The following MYO5C variants were observed in gnomAD, a reference collection of about 807,000 sequenced individuals.
The protein encoded by MYO5C is myosin VC, also known as unconventional myosin-Vc.
A neutral mutation model predicts 235.7 loss-of-function variants in MYO5C; 194 were observed. That is an observed-to-expected ratio of 0.82 (90% CI 0.73 to 0.93). MYO5C has a LOEUF of 0.93. MYO5C is among the 40% of genes least tolerant of loss of function. MYO5C has a pLI of 0.00. For synonymous variants in MYO5C, 707 were observed against 754.8 expected, an observed-to-expected ratio of 0.94 and a Z score of 1.04; for missense variants, 2,038 against 2,127.2, an observed-to-expected ratio of 0.96 and a Z score of 0.82.
intron 38 of MYO5C, among the ~76,000 whole-genome samples, chr15:52,198,298 G>A (rs1449116857): frequency 6.6e-6 from 1 of 152,194 alleles, no homozygotes; most frequent in Non-Finnish European, 1.5e-5. Flanking sequence ...TTGCACCACT[G>A]TAGTTCAGCC....
At chr15:52,207,890 AG>A (rs1321909188) in intron 36 of MYO5C, among the ~76,000 whole-genome samples, 1 of 152,242 alleles carries the variant, frequency 6.6e-6, no homozygotes, top group Admixed American at 6.5e-5. Context: ...TGACTTCACT[AG>A]TGACCAAATA....
intron 33 of MYO5C, chr15:52,213,585 C>A: frequency 4.3e-6 from 1 of 231,352 alleles, no homozygotes; most frequent in Admixed American, 4.9e-5. Flanking sequence ...AAGATGTTGC[C>A]TTGTCTTCAA....
chr15:52,229,066 T>C, intron 25 of MYO5C, 67 bp downstream of exon 25: 1 of 1,584,992 alleles, frequency 6.3e-7, no homozygotes, highest in Non-Finnish European at 8.6e-7. Context: ...GTCTAATCTG[T>C]GGGAACTTGG....
rs1555420137 is a variant in MYO5C at position 52,274,675 on chromosome 15, C to CCG, written c.606+886_606+887insCG. ...GCTTTGCAGTGTTTCTTAGTACCCC[C>CCG]CCCCCGACATATGTTTCTATTTAAT... On this transcript the variant is annotated intron_variant, in intron 5 of 40. Coordinates refer to ENST00000261839, the MANE Select transcript of MYO5C (RefSeq NM_018728.4). Among the ~76,000 whole-genome samples, 11 of 148,268 alleles carry CCG rather than the reference C, an allele frequency of 7.4e-5. 2 individuals are homozygous for CCG. The East Asian group carries it at 2.6e-3, about 35-fold the overall frequency.
chr15:52,195,355 G>C (rs747209956), intron 40 of MYO5C, 22 bp downstream of exon 40: 1 of 1,537,258 alleles, frequency 6.5e-7, no homozygotes, highest in Non-Finnish European at 9.0e-7. Flanking sequence ...AAAATTAAAA[G>C]GCACATCCTT....
chr15:52,279,741 G>A (rs2140857723), intron 2 of MYO5C, 67 bp from the exon 3 acceptor site: 3 of 1,453,320 alleles, frequency 2.1e-6, no homozygotes, highest in Non-Finnish European at 2.8e-6. Context: ...TTGAAGCACT[G>A]TCCTTTGTCC....
At chr15:52,284,620 CA>C (rs2037223852) in intron 1 of MYO5C, among the ~76,000 whole-genome samples, 1 of 151,966 alleles carries the variant, frequency 6.6e-6, no homozygotes, top group Non-Finnish European at 1.5e-5. Flanking sequence ...AAAAATTAAA[CA>C]AATATGGAAC....
intron 36 of MYO5C, among the ~76,000 whole-genome samples, chr15:52,208,265 G>C (rs754145395): frequency 4.6e-5 from 7 of 152,222 alleles, no homozygotes; most frequent in African/African-American, 7.2e-5. Context: ...ACCAAAGCCT[G>C]TATTTTAGAG....
chr15:52,209,296 AAAG>A (rs2035391309), intron 35 of MYO5C, among the ~76,000 whole-genome samples: 1 of 152,230 alleles, frequency 6.6e-6, no homozygotes. Context: ...AATAAAAAGT[AAAG>A]AAACACCACT....
At position 52,213,299 on chromosome 15, in the gene MYO5C, G is replaced by C; in HGVS notation, c.4043-13C>G. ...TGCACATCATTGGCTGTAGACAGAG[G>C]CAAACAATCAGCTAAATACACAAAA... On this transcript the variant is annotated splice_polypyrimidine_tract_variant and intron_variant, in intron 33 of 40. Transcript: ENST00000261839. 1 of 1,593,080 alleles carries C rather than the reference G, an allele frequency of 6.3e-7. No homozygotes were observed. Among genetic ancestry groups the C allele is most frequent in the South Asian group, 1.1e-5 (1 of 90,586 alleles).
chr15:52,205,251 A>G (rs1207403884), intron 37 of MYO5C, 104 bp from the exon 38 acceptor site: 9 of 1,269,028 alleles, frequency 7.1e-6, no homozygotes, highest in African/African-American at 3.0e-5. Flanking sequence ...TTTCTACAAG[A>G]GTCAGTGGAT....
At chr15:52,279,287 A>C (rs994010322) in intron 3 of MYO5C, among the ~76,000 whole-genome samples, 2 of 152,206 alleles carry the variant, frequency 1.3e-5, no homozygotes, top group Non-Finnish European at 2.9e-5. Context: ...AAAATAAGTA[A>C]TAAATGTATG....
chr15:52,289,711 C>T (rs1304424737), intron 1 of MYO5C, among the ~76,000 whole-genome samples: 7 of 152,064 alleles, frequency 4.6e-5, no homozygotes, highest in African/African-American at 9.7e-5. Context: ...CTCTCTCATC[C>T]GTACTTGATT....
chr15:52,219,955 T>C (rs1434563373), intron 30 of MYO5C, 133 bp from the exon 31 acceptor site: 2 of 638,330 alleles, frequency 3.1e-6, no homozygotes, highest in South Asian at 1.9e-5. Context: ...CTGGCCCATA[T>C]TGGAAGAAGA....
chr15:52,219,842 C>A lies in MYO5C; in HGVS notation c.3722-20G>T. The A allele has an allele frequency of 6.3e-7, 1 of 1,595,088 alleles. No individual in the cohort carries two copies. Among genetic ancestry groups the A allele is most frequent in the South Asian group, 1.1e-5 (1 of 89,786 alleles). On this transcript the variant is annotated intron_variant, in intron 30 of 40. Transcript: ENST00000261839. The stretch of plus-strand genomic sequence containing the variant: ...GTTTTCCTATAATGAGAAGAACTGT[C>A]AGTACTTTGGGGGGGCACATATCAC...
intron 2 of MYO5C, among the ~76,000 whole-genome samples, chr15:52,282,383 T>C (rs543578053): frequency 6.6e-6 from 1 of 152,220 alleles, no homozygotes; most frequent in African/African-American, 2.4e-5. Flanking sequence ...TCTACCAGCG[T>C]ATGCCTTGGG....
chr15:52,240,067 C>T (rs1374486018), intron 20 of MYO5C, among the ~76,000 whole-genome samples, 188 bp from the exon 21 acceptor site: 1 of 152,198 alleles, frequency 6.6e-6, no homozygotes, highest in Non-Finnish European at 1.5e-5. Context: ...TGTATATGAA[C>T]AGACACTCTC....
chr15:52,246,124 G>T, intron 16 of MYO5C, 82 bp from the exon 17 acceptor site: 1 of 1,085,938 alleles, frequency 9.2e-7, no homozygotes, highest in Non-Finnish European at 1.4e-6. Context: ...GACCTGGCTA[G>T]ACTGTGACCC....
intron 39 of MYO5C, among the ~76,000 whole-genome samples, chr15:52,195,814 T>A (rs1382256136): frequency 1.3e-5 from 2 of 151,888 alleles, no homozygotes; most frequent in Non-Finnish European, 2.9e-5. Flanking sequence ...TATTATTATT[T>A]TTGAGATAGG....
Sources: allele counts gnomAD v4.1 joint callset (sites outside exome capture counted in the v4.1 genomes callset), GRCh38; gene constraint gnomAD v4.1.1; transcripts MANE v1.5; gene names NCBI Gene and HGNC (gene_info 2026-07-23, HGNC 2026-07-21).